MAPK10: variants seen among roughly 807,000 people sequenced by gnomAD.
MAPK10 encodes JNK3 alpha protein kinase.
Under a neutral mutation model 59.3 loss-of-function variants are expected in MAPK10, and 25 were observed. That is an observed-to-expected ratio of 0.42 (90% CI 0.31 to 0.59). MAPK10 has a LOEUF of 0.59. MAPK10 is among the 20% of genes least tolerant of loss of function. The pLI is 0.15. For missense variants in MAPK10, 351 were observed against 568.9 expected, an observed-to-expected ratio of 0.62 and a Z score of 3.90; for synonymous variants, 190 against 200.5, an observed-to-expected ratio of 0.95 and a Z score of 0.44.
At chr4:86,019,331 C>G (rs1169948325) in intron 13 of MAPK10, among the ~76,000 whole-genome samples, 1 of 152,034 alleles carries the variant, frequency 6.6e-6, no homozygotes, top group Non-Finnish European at 1.5e-5. Flanking sequence ...TAAAAATACC[C>G]ATCCTTTCTA....
intron 4 of MAPK10, among the ~76,000 whole-genome samples, chr4:86,146,776 T>C (rs989917952): frequency 2.0e-5 from 3 of 152,260 alleles, no homozygotes; most frequent in African/African-American, 7.2e-5. Context: ...TTTGAGCTTC[T>C]ATCATTTTCT....
chr4:86,452,859 G>T (rs1407822631), intron 1 of MAPK10, among the ~76,000 whole-genome samples: 2 of 152,212 alleles, frequency 1.3e-5, no homozygotes, highest in South Asian at 2.1e-4. Flanking sequence ...CATTAGGAAT[G>T]CCGCAAGAAC....
At chr4:86,143,182 C>G (rs1196588954) in intron 4 of MAPK10, among the ~76,000 whole-genome samples, 1 of 152,112 alleles carries the variant, frequency 6.6e-6, no homozygotes, top group African/African-American at 2.4e-5. Flanking sequence ...CACCAGATCT[C>G]CTGAGACTTA....
chr4:86,173,152 C>T (rs1228937090), intron 3 of MAPK10, among the ~76,000 whole-genome samples: 9 of 152,024 alleles, frequency 5.9e-5, no homozygotes, highest in South Asian at 2.1e-4. Context: ...AAAAAGAACC[C>T]GTATAGCCAA....
intron 2 of MAPK10, among the ~76,000 whole-genome samples, chr4:86,239,789 CA>C (rs796334122): frequency 0.11 from 14,911 of 130,154 alleles, 1,046 homozygotes; most frequent in African/African-American, 0.22. Context: ...TTAATTTTTT[CA>C]AAAAAAAAAA....
chr4:86,185,741 T>C (rs2078063925), intron 3 of MAPK10, among the ~76,000 whole-genome samples: 1 of 152,158 alleles, frequency 6.6e-6, no homozygotes, highest in Non-Finnish European at 1.5e-5. Flanking sequence ...TCAACAGAAT[T>C]TGCTGACAGC....
intron 3 of MAPK10, among the ~76,000 whole-genome samples, chr4:86,161,504 A>T (rs1347980331): frequency 6.6e-6 from 1 of 152,100 alleles, no homozygotes; most frequent in East Asian, 1.9e-4. Flanking sequence ...GCCTGAATAA[A>T]GCCCTGCTTT....
At chr4:86,252,138 T>G in intron 2 of MAPK10, among the ~76,000 whole-genome samples, 1 of 124,032 alleles carries the variant, frequency 8.1e-6, no homozygotes, top group Non-Finnish European at 1.6e-5. Flanking sequence ...TTCACTCTGA[T>G]GGTAGTTTCT....
intron 2 of MAPK10, among the ~76,000 whole-genome samples, chr4:86,279,514 G>A (rs958212657): frequency 6.6e-6 from 1 of 152,152 alleles, no homozygotes; most frequent in African/African-American, 2.4e-5. Flanking sequence ...AAAAATAAAT[G>A]AGTTAATATA....
At chr4:86,044,827 A>G (rs974738095) in intron 11 of MAPK10, 42 of 397,132 alleles carry the variant, frequency 1.1e-4, no homozygotes, top group Non-Finnish European at 4.9e-5. Context: ...GACCTTGAGC[A>G]AGTCACTCAG....
chr4:86,487,499 G>A (rs1754097600), intron 1 of MAPK10, among the ~76,000 whole-genome samples: 1 of 152,044 alleles, frequency 6.6e-6, no homozygotes, highest in African/African-American at 2.4e-5. Context: ...GGAGGCCGAG[G>A]TGAGTGGATC....
intron 1 of MAPK10, among the ~76,000 whole-genome samples, chr4:86,582,047 G>A (rs551964945): frequency 1.7e-4 from 26 of 150,686 alleles, no homozygotes; most frequent in African/African-American, 5.6e-4. Flanking sequence ...GGTGCCAAGT[G>A]TAATAGGAAT....
chr4:86,574,993 T>C (rs971074815), intron 1 of MAPK10, among the ~76,000 whole-genome samples: 1 of 152,222 alleles, frequency 6.6e-6, no homozygotes, highest in Admixed American at 6.5e-5. Flanking sequence ...TGTATTTGAA[T>C]GAGATGAGCA....
intron 9 of MAPK10, among the ~76,000 whole-genome samples, chr4:86,092,039 A>T (rs1225198859): frequency 6.6e-6 from 1 of 151,916 alleles, no homozygotes; most frequent in Non-Finnish European, 1.5e-5. Context: ...GGTGTGGGGG[A>T]TCTGGGAGAT....
At chr4:86,057,929 C>T (rs1436529) in intron 11 of MAPK10, among the ~76,000 whole-genome samples, 43,235 of 149,244 alleles carry the variant, frequency 0.29, 9,075 homozygotes, top group East Asian at 0.5. Context: ...AATCCTTTCA[C>T]TCCCCTTACG....
At chr4:86,047,663 C>G (rs1021352624) in intron 11 of MAPK10, among the ~76,000 whole-genome samples, 2 of 152,118 alleles carry the variant, frequency 1.3e-5, no homozygotes, top group African/African-American at 4.8e-5. Flanking sequence ...CGCACGTGCA[C>G]TTGTACACGC....
At chr4:86,541,947 G>GCACACACACA (rs10555824) in intron 1 of MAPK10, among the ~76,000 whole-genome samples, 45 of 140,374 alleles carry the variant, frequency 3.2e-4, no homozygotes, top group Admixed American at 9.3e-4. Flanking sequence ...GAATACACCG[G>GCACACACACA]CACACACACA....
At chr4:86,378,843 GT>G (rs1345716328) in intron 1 of MAPK10, among the ~76,000 whole-genome samples, 1 of 152,146 alleles carries the variant, frequency 6.6e-6, no homozygotes, top group Non-Finnish European at 1.5e-5. Flanking sequence ...CTTTAAACAT[GT>G]TCCATGAATT....
Position 86,577,638 on chromosome 4 carries a change from C to T in MAPK10, c.-263+16272G>A, listed in dbSNP as rs118067069. ...TTAAGCACACAGAAAACCAAGCAAGCAAACAAAAAAGGACAATTATTTACT... is the reference window on the plus strand; with the variant it reads ...TTAAGCACACAGAAAACCAAGCAAGTAAACAAAAAAGGACAATTATTTACT... On this transcript the variant is annotated intron_variant, in intron 1 of 4. Coordinates refer to the MAPK10 transcript ENST00000502302. Among the ~76,000 whole-genome samples the T allele has an allele frequency of 7.3e-4, 111 of 151,646 alleles. No individual in the cohort carries two copies. In the East Asian group the frequency reaches 0.016, roughly 22 times the overall value.
Sources: allele counts gnomAD v4.1 joint callset (sites outside exome capture counted in the v4.1 genomes callset), GRCh38; gene constraint gnomAD v4.1.1; transcripts MANE v1.5; gene names NCBI Gene and HGNC (gene_info 2026-07-23, HGNC 2026-07-21).